Variants in MYLK observed in about 807,000 individuals in gnomAD.
MYLK encodes the protein myosin light chain kinase.
A neutral mutation model predicts 203.4 loss-of-function variants in MYLK; 106 were observed. The ratio of observed to expected loss-of-function variants is 0.52; its 90% CI spans 0.45 to 0.61. The LOEUF (loss-of-function observed/expected upper bound fraction) is 0.61. Ranked by LOEUF, MYLK falls within the 20% of genes least tolerant of loss-of-function variation. The pLI is 0.00. For synonymous variants in MYLK, 867 were observed against 959.5 expected, an observed-to-expected ratio of 0.90 and a Z score of 1.78; for missense variants, 2,072 against 2,442.3, an observed-to-expected ratio of 0.85 and a Z score of 3.20.
chr3:123,863,770 T>C (rs1028155710), intron 2 of MYLK, among the ~76,000 whole-genome samples: 14 of 152,248 alleles, frequency 9.2e-5, no homozygotes, highest in African/African-American at 2.6e-4. Context: ...GGTGTATAAA[T>C]GTGGAAACAG....
At chr3:123,799,450 C>T (rs1438837087) in intron 3 of MYLK, among the ~76,000 whole-genome samples, 1 of 152,084 alleles carries the variant, frequency 6.6e-6, no homozygotes, top group Non-Finnish European at 1.5e-5. Flanking sequence ...TTTAGAGAAA[C>T]CAGTTATCCC....
At position 123,793,741 on chromosome 3, in the gene MYLK, G is replaced by A. The variant is rs773146142; in HGVS notation, c.101C>T (p.Ala34Val). ...VDSMPLTEAPAFILPPRNLCI... is the reference protein window; with the variant it reads ...VDSMPLTEAPVFILPPRNLCI... ...GAGGTTCCGAGGGGGCAAAATGAAA[G>A]CAGGGGCCTCTGTCAGGGGCATGGA... is the stretch of plus-strand genomic sequence containing the variant. The change falls in exon 4 of 34, where the codon GCT (alanine) becomes GTT (valine). Residue 34 changes from alanine (A) to valine (V), a missense_variant. Ala to Val is a moderately conservative substitution (Grantham distance 64). This residue lies in a region of MYLK where 683 missense variants were observed against 643.8 expected (regional missense o/e 1.06). Transcript: ENST00000360304. 2 of 1,614,190 alleles carry A rather than the reference G, an allele frequency of 1.2e-6. No homozygotes were observed. Among genetic ancestry groups the A allele is most frequent in the East Asian group, 2.2e-5 (1 of 44,876 alleles).
rs749798689 is a variant in MYLK, at chr3:123,637,953, G to T, written c.4961+118C>A. ...AGCCTGCCACCCTCCTGACTCTGGG[G>T]GGGGCTCCCCATCATGACAATGGCA... is the stretch of plus-strand genomic sequence containing the variant. On this transcript the variant is annotated intron_variant, in intron 29 of 33. Transcript: ENST00000360304. The T allele has an allele frequency of 6.5e-5, 97 of 1,482,968 alleles. No individual in the cohort carries two copies. The African/African-American group carries it at 1.1e-3, about 17-fold the overall frequency. The allele number at this position is 1,482,968 out of a possible 1,614,324, so 91.9% of individuals were successfully genotyped here.
chr3:123,718,751 G>C (rs1560125404), intron 13 of MYLK, among the ~76,000 whole-genome samples: 1 of 152,134 alleles, frequency 6.6e-6, no homozygotes, highest in Non-Finnish European at 1.5e-5. Flanking sequence ...TTTGTGACCT[G>C]CTCATGTTCT....
intron 23 of MYLK, among the ~76,000 whole-genome samples, chr3:123,663,382 C>A (rs1427591027): frequency 6.6e-6 from 1 of 151,814 alleles, no homozygotes; most frequent in Non-Finnish European, 1.5e-5. Context: ...GAAGAACAGT[C>A]CCTGCAGACT....
chr3:123,866,397 C>G (rs770476049), intron 2 of MYLK, among the ~76,000 whole-genome samples: 6 of 152,234 alleles, frequency 3.9e-5, no homozygotes, highest in Non-Finnish European at 7.3e-5. Flanking sequence ...ATTTATTCAA[C>G]AAATACGTAT....
In MYLK at chr3:123,700,369, C is replaced by A. The variant is rs764470740; in HGVS notation, c.3099G>T (p.Glu1033Asp). ...LKPVGNAKPA[E>D]TLKPMGNAKP... ...TGGCGTTGCCCATTGGCTTCAGGGT[C>A]TCAGCAGGCTTGGCGTTGCCCACGG... The change falls in exon 18 of 34, where the codon GAG (glutamate) becomes GAT (aspartate). Residue 1033 changes from glutamate (E) to aspartate (D), a missense_variant. Coordinates refer to ENST00000360304, the MANE Select transcript of MYLK (RefSeq NM_053025.4). The A allele has an allele frequency of 1.2e-6, 2 of 1,613,590 alleles. No homozygotes were observed. Among genetic ancestry groups the A allele is most frequent in the East Asian group, 4.5e-5 (2 of 44,848 alleles).
intron 24 of MYLK, among the ~76,000 whole-genome samples, chr3:123,655,834 G>A (rs1446937574): frequency 1.3e-5 from 2 of 152,188 alleles, no homozygotes; most frequent in Non-Finnish European, 2.9e-5. Flanking sequence ...ATGAAATGAT[G>A]CATATAAAGT....
At chr3:123,817,535 G>C (rs531744676) in intron 3 of MYLK, among the ~76,000 whole-genome samples, 1 of 152,264 alleles carries the variant, frequency 6.6e-6, no homozygotes, top group South Asian at 2.1e-4. Flanking sequence ...GGTCATCACA[G>C]AGCAGCACTG....
At chr3:123,863,671 C>T (rs764060014) in intron 2 of MYLK, among the ~76,000 whole-genome samples, 7 of 152,132 alleles carry the variant, frequency 4.6e-5, no homozygotes, top group Non-Finnish European at 1.0e-4. Flanking sequence ...ATAGCAGTAT[C>T]CACAAGAATG....
intron 4 of MYLK, among the ~76,000 whole-genome samples, chr3:123,768,948 C>T (rs1218815398): frequency 1.3e-5 from 2 of 152,212 alleles, no homozygotes; most frequent in Non-Finnish European, 1.5e-5. Flanking sequence ...CTCTAGAGAG[C>T]CTCCCGTTAC....
chr3:123,721,422 G>T (rs1220707609), intron 13 of MYLK, among the ~76,000 whole-genome samples: 2 of 152,220 alleles, frequency 1.3e-5, no homozygotes, highest in Non-Finnish European at 2.9e-5. Context: ...CTGTCACCAG[G>T]CCTGCTGATA....
At chr3:123,703,675 T>C (rs1211315105) in intron 16 of MYLK, among the ~76,000 whole-genome samples, 1 of 146,616 alleles carries the variant, frequency 6.8e-6, no homozygotes, top group Non-Finnish European at 1.5e-5. Context: ...GGTGAGCTTG[T>C]AGAATAACTG....
chr3:123,683,201 C>CT (rs1407450301), intron 19 of MYLK, among the ~76,000 whole-genome samples: 1 of 144,474 alleles, frequency 6.9e-6, no homozygotes, highest in Non-Finnish European at 1.5e-5. Flanking sequence ...AAGGAGCACT[C>CT]TTTGGGGACG....
At chr3:123,793,977 A>G (rs1409734022) in intron 3 of MYLK, 133 bp from the exon 4 acceptor site, 3 of 910,744 alleles carry the variant, frequency 3.3e-6, no homozygotes, top group Admixed American at 4.0e-5. Flanking sequence ...GTCAGTGTCC[A>G]CCCACAGCTC....
intron 15 of MYLK, 69 bp from the exon 16 acceptor site, chr3:123,708,072 A>G: frequency 6.3e-7 from 1 of 1,598,096 alleles, no homozygotes; most frequent in Non-Finnish European, 8.5e-7. Context: ...TCAATTCTCC[A>G]TGGAGGTGAA....
At chr3:123,805,282 A>G (rs1352979122) in intron 3 of MYLK, among the ~76,000 whole-genome samples, 1 of 152,174 alleles carries the variant, frequency 6.6e-6, no homozygotes, top group Non-Finnish European at 1.5e-5. Context: ...TACATCCATC[A>G]ACACAATCTG....
intron 20 of MYLK, among the ~76,000 whole-genome samples, chr3:123,676,425 C>T (rs2060073872): frequency 6.6e-6 from 1 of 152,186 alleles, no homozygotes; most frequent in Non-Finnish European, 1.5e-5. Context: ...GAACATTCCT[C>T]ATGACCTGAG....
intron 3 of MYLK, among the ~76,000 whole-genome samples, chr3:123,797,228 T>C (rs944561924): frequency 1.3e-5 from 2 of 152,206 alleles, no homozygotes; most frequent in African/African-American, 2.4e-5. Flanking sequence ...CATTTTGCCA[T>C]ATTTATAGCA....
Sources: allele counts gnomAD v4.1 joint callset (sites outside exome capture counted in the v4.1 genomes callset), GRCh38; gene constraint gnomAD v4.1.1; regional missense constraint gnomAD v4.1.1; transcripts MANE v1.5; gene names NCBI Gene and HGNC (gene_info 2026-07-23, HGNC 2026-07-21).